Variants in ALK observed in about 807,000 individuals in gnomAD.
ALK encodes ALK tyrosine kinase receptor.
A neutral mutation model predicts 163.1 loss-of-function variants in ALK; 74 were observed. That is an observed-to-expected ratio of 0.45 (90% CI 0.38 to 0.55). The LOEUF (loss-of-function observed/expected upper bound fraction) is 0.55, where lower values mean the gene tolerates loss of function less well. Ranked by LOEUF, ALK falls within the 20% of genes least tolerant of loss-of-function variation. The pLI, the probability that ALK is intolerant of heterozygous loss-of-function variation, is 0.00. For synonymous variants in ALK, 960 were observed against 843.2 expected (o/e 1.14, Z -2.40); for missense variants, 2,063 against 2,105.3 (o/e 0.98, Z 0.39).
chr2:29,597,289 C>T (rs1675242160), intron 3 of ALK, among the ~76,000 whole-genome samples: 1 of 152,194 alleles, frequency 6.6e-6, no homozygotes, highest in Non-Finnish European at 1.5e-5. Context: ...TCAGGCTTCT[C>T]TTAAATAGCT....
At chr2:29,681,770 C>T (rs1162758702) in intron 3 of ALK, among the ~76,000 whole-genome samples, 4 of 150,652 alleles carry the variant, frequency 2.7e-5, no homozygotes, top group Admixed American at 2.0e-4. Flanking sequence ...CCCCTTCCCC[C>T]CCTCAACCTC....
intron 1 of ALK, among the ~76,000 whole-genome samples, chr2:29,835,805 A>C (rs893125943): frequency 6.6e-6 from 1 of 152,120 alleles, no homozygotes; most frequent in Non-Finnish European, 1.5e-5. Flanking sequence ...TCTCGTTCTT[A>C]CTTGTCTGCC....
intron 3 of ALK, among the ~76,000 whole-genome samples, chr2:29,540,006 T>C (rs1215200921): frequency 1.3e-5 from 2 of 152,200 alleles, no homozygotes; most frequent in Non-Finnish European, 2.9e-5. Flanking sequence ...ATCTGTTTTC[T>C]TTTGTAGGAC....
At chr2:29,459,644 G>A (rs1359718307) in intron 4 of ALK, among the ~76,000 whole-genome samples, 1 of 151,792 alleles carries the variant, frequency 6.6e-6, no homozygotes, top group Non-Finnish European at 1.5e-5. Context: ...AGAGGACTTT[G>A]CTTCTTCTTT....
At chr2:29,355,352 C>T (rs976973455) in intron 5 of ALK, among the ~76,000 whole-genome samples, 1 of 152,298 alleles carries the variant, frequency 6.6e-6, no homozygotes, top group African/African-American at 2.4e-5. Flanking sequence ...CACTCCAGTG[C>T]TGTTTTTATG....
At chr2:29,418,919 A>G (rs1669948301) in intron 4 of ALK, among the ~76,000 whole-genome samples, 1 of 151,164 alleles carries the variant, frequency 6.6e-6, no homozygotes, top group African/African-American at 2.5e-5. Context: ...AATTATTTTT[A>G]AAGTGTGCAT....
chr2:29,318,409 G>A lies in ALK; in HGVS notation c.1547-5C>T, dbSNP rs764739691. On this transcript the variant is annotated splice_region_variant and splice_polypyrimidine_tract_variant and intron_variant, in intron 7 of 28. Coordinates refer to ENST00000389048, the MANE Select transcript of ALK (RefSeq NM_004304.5). ...TACTGAGCAATAGAGCATGGTCTAG[G>A]AGAGAGGAAAAGAATCACAAGCACG... 72 of 1,604,700 alleles carry A rather than the reference G, an allele frequency of 4.5e-5. No homozygotes were observed. Among genetic ancestry groups the A allele is most frequent in the Non-Finnish European group, 5.1e-6 (6 of 1,171,558 alleles).
chr2:29,442,882 C>T (rs1307036444), intron 4 of ALK, among the ~76,000 whole-genome samples: 2 of 152,154 alleles, frequency 1.3e-5, no homozygotes, highest in African/African-American at 4.8e-5. Flanking sequence ...ATGTCCCTTC[C>T]AGGTCGAAGA....
At chr2:29,378,518 C>G (rs913994813) in intron 5 of ALK, among the ~76,000 whole-genome samples, 1 of 152,120 alleles carries the variant, frequency 6.6e-6, no homozygotes, top group Non-Finnish European at 1.5e-5. Flanking sequence ...CTTGATTTCT[C>G]TATCCATAAT....
intron 8 of ALK, among the ~76,000 whole-genome samples, chr2:29,301,066 G>C (rs1312804848): frequency 6.6e-6 from 1 of 152,198 alleles, no homozygotes; most frequent in East Asian, 1.9e-4. Context: ...CAGAGAAGTA[G>C]TCTGTCAGTT....
intron 4 of ALK, among the ~76,000 whole-genome samples, chr2:29,435,057 A>G (rs1016290879): frequency 2.0e-5 from 3 of 152,086 alleles, no homozygotes; most frequent in Admixed American, 6.5e-5. Flanking sequence ...AATGCAGCTG[A>G]CCCATATCAA....
chr2:29,441,096 C>G (rs1346692843), intron 4 of ALK, among the ~76,000 whole-genome samples: 1 of 152,202 alleles, frequency 6.6e-6, no homozygotes, highest in Non-Finnish European at 1.5e-5. Flanking sequence ...GCATTGCTCA[C>G]CTGAACACTG....
At chr2:29,594,635 G>A (rs1231964532) in intron 3 of ALK, among the ~76,000 whole-genome samples, 4 of 151,738 alleles carry the variant, frequency 2.6e-5, no homozygotes, top group African/African-American at 9.7e-5. Context: ...CACCATGTTG[G>A]TCAGGCTGGT....
At chr2:29,260,857 AAAAC>A (rs1665069517) in intron 11 of ALK, among the ~76,000 whole-genome samples, 1 of 150,904 alleles carries the variant, frequency 6.6e-6, no homozygotes, top group Admixed American at 6.6e-5. Flanking sequence ...AACAAAAAAA[AAAAC>A]AACAACAAAA....
intron 1 of ALK, among the ~76,000 whole-genome samples, chr2:29,865,690 C>T (rs1408549828): frequency 1.3e-5 from 2 of 152,154 alleles, no homozygotes; most frequent in East Asian, 3.9e-4. Flanking sequence ...GGAGGAAGAG[C>T]TAGGCTGACA....
chr2:29,208,546 G>C (rs1259355251), intron 25 of ALK, among the ~76,000 whole-genome samples: 1 of 152,168 alleles, frequency 6.6e-6, no homozygotes, highest in African/African-American at 2.4e-5. Flanking sequence ...AGAGGAGTGC[G>C]ACGGATAGCA....
intron 11 of ALK, among the ~76,000 whole-genome samples, chr2:29,265,281 G>A (rs572164144): frequency 2.0e-5 from 3 of 152,274 alleles, no homozygotes; most frequent in Non-Finnish European, 4.4e-5. Flanking sequence ...GCTTCCCAAA[G>A]TGCTGGGATT....
chr2:29,898,785 G>A (rs2148429397), intron 1 of ALK, among the ~76,000 whole-genome samples: 1 of 152,270 alleles, frequency 6.6e-6, no homozygotes, highest in East Asian at 1.9e-4. Context: ...GCTTCAGATG[G>A]CACCGAAGTT....
intron 4 of ALK, among the ~76,000 whole-genome samples, chr2:29,386,834 T>C (rs1669042914): frequency 6.6e-6 from 1 of 152,218 alleles, no homozygotes; most frequent in Non-Finnish European, 1.5e-5. Context: ...CAAGCTTATA[T>C]CTAGGGTCAG....
Sources: gnomAD v4.1 joint callset for allele counts (sites outside exome capture counted in the v4.1 genomes callset) on GRCh38, gnomAD v4.1.1 for gene constraint, MANE v1.5 for transcripts, NCBI Gene and HGNC (gene_info 2026-07-23, HGNC 2026-07-21) for gene names.